TAFA1: variants seen among roughly 807,000 people sequenced by gnomAD.
TAFA1 encodes chemokine-like protein TAFA-1.
TAFA1 carries 4 observed loss-of-function variants against 18.5 expected under a neutral mutation model. The ratio of observed to expected loss-of-function variants is 0.22; its 90% confidence interval spans 0.11 to 0.49. The LOEUF is 0.49. Among genes scored for constraint, TAFA1 ranks in the 20% least tolerant of loss-of-function variants. The probability of loss-of-function intolerance (pLI) is 0.98; values close to 1 mark genes in which losing one functional copy is unlikely to be tolerated. For missense variants in TAFA1, 147 were observed against 169.0 expected, an observed-to-expected ratio of 0.87 and a Z score of 0.72; for synonymous variants, 56 against 55.2, an observed-to-expected ratio of 1.01 and a Z score of -0.06.
intron 2 of TAFA1, among the ~76,000 whole-genome samples, chr3:68,091,346 C>T (rs1283931982): frequency 1.1e-4 from 16 of 152,042 alleles, no homozygotes; most frequent in Admixed American, 9.2e-4. Flanking sequence ...ATTGTTTTTT[C>T]CATTGAAAAG....
At chr3:68,436,927 A>T (rs1269812263) in intron 3 of TAFA1, among the ~76,000 whole-genome samples, 1 of 152,224 alleles carries the variant, frequency 6.6e-6, no homozygotes, top group African/African-American at 2.4e-5. Flanking sequence ...AAAACTCTAA[A>T]TAGTGCTGAA....
intron 3 of TAFA1, among the ~76,000 whole-genome samples, chr3:68,463,819 T>C (rs1234680485): frequency 6.6e-6 from 1 of 152,192 alleles, no homozygotes; most frequent in Non-Finnish European, 1.5e-5. Context: ...TACTGAATTA[T>C]GGACCATAGC....
At position 68,200,209 on chromosome 3, in the gene TAFA1, C is replaced by T. The variant is rs1319481639; in HGVS notation, c.118+193465C>T. Among the ~76,000 whole-genome samples, 4 of 151,522 alleles carry T rather than the reference C, an allele frequency of 2.6e-5. No homozygotes were observed. The South Asian group carries it at 6.2e-4, about 24-fold the overall frequency. On this transcript the variant is annotated intron_variant, in intron 2 of 4. Coordinates refer to ENST00000478136, the MANE Select transcript of TAFA1 (RefSeq NM_213609.4). ...TCCCTCTTGATTATAGTGCATAATT[C>T]TTTTTATACACTGAATTTGATTGGA...
Position 68,272,925 on chromosome 3 carries a change from T to C in TAFA1, c.119-144355T>C, listed in dbSNP as rs536855270. ...GAATTCAAATCCCATTCTTTCTTTT[T>C]TCTTTTATTCTACATGAATGAACTG... On this transcript the variant is annotated intron_variant, in intron 2 of 4. Transcript: ENST00000478136. Among the ~76,000 whole-genome samples, 37 of 152,292 alleles carry C rather than the reference T, an allele frequency of 2.4e-4. 1 individual carries two copies. In the South Asian group the frequency reaches 7.7e-3, roughly 32 times the overall value.
chr3:68,287,530 C>T (rs150033087), intron 2 of TAFA1, among the ~76,000 whole-genome samples: 19 of 152,076 alleles, frequency 1.2e-4, no homozygotes, highest in African/African-American at 4.3e-4. Flanking sequence ...ACTCTCTGTC[C>T]CTTAAAGTCC....
intron 2 of TAFA1, among the ~76,000 whole-genome samples, chr3:68,252,639 A>T (rs1289738752): frequency 6.6e-6 from 1 of 152,188 alleles, no homozygotes; most frequent in Admixed American, 6.5e-5. Context: ...AGTTAAGAAT[A>T]GTGGCTATAA....
At chr3:68,332,801 T>C (rs1490099528) in intron 2 of TAFA1, among the ~76,000 whole-genome samples, 1 of 152,192 alleles carries the variant, frequency 6.6e-6, no homozygotes, top group African/African-American at 2.4e-5. Flanking sequence ...TCTTGAACAC[T>C]GTAGGTGGGA....
chr3:68,313,581 G>A (rs2068558241), intron 2 of TAFA1, among the ~76,000 whole-genome samples: 1 of 152,130 alleles, frequency 6.6e-6, no homozygotes, highest in Non-Finnish European at 1.5e-5. Context: ...ACAAAGTTCT[G>A]ATAAAATAAG....
At chr3:68,472,084 C>G (rs532379900) in intron 3 of TAFA1, among the ~76,000 whole-genome samples, 4 of 152,036 alleles carry the variant, frequency 2.6e-5, no homozygotes, top group African/African-American at 9.6e-5. Context: ...TTGGGGGGGA[C>G]CAGTGACAGA....
At chr3:68,432,325 T>G (rs1438763571) in intron 3 of TAFA1, among the ~76,000 whole-genome samples, 2 of 151,958 alleles carry the variant, frequency 1.3e-5, no homozygotes, top group African/African-American at 4.8e-5. Flanking sequence ...ATGGAAGAGT[T>G]GAAGGGAATA....
intron 3 of TAFA1, among the ~76,000 whole-genome samples, chr3:68,482,659 C>T (rs1363884337): frequency 1.3e-5 from 2 of 152,208 alleles, no homozygotes; most frequent in Admixed American, 6.5e-5. Flanking sequence ...AATTCCTCTA[C>T]TCTCTTCCTT....
At chr3:68,417,945 C>T (rs564913561) in intron 3 of TAFA1, among the ~76,000 whole-genome samples, 77 of 152,170 alleles carry the variant, frequency 5.1e-4, no homozygotes, top group Non-Finnish European at 9.3e-4. Flanking sequence ...TGAGAACTCT[C>T]TCACTATCAT....
At chr3:68,208,286 G>A (rs759241112) in intron 2 of TAFA1, among the ~76,000 whole-genome samples, 1 of 151,854 alleles carries the variant, frequency 6.6e-6, no homozygotes, top group African/African-American at 2.4e-5. Flanking sequence ...AGAGCTCGTC[G>A]TGTTGATTGG....
chr3:68,158,834 G>A (rs578101939), intron 2 of TAFA1, among the ~76,000 whole-genome samples: 3 of 152,276 alleles, frequency 2.0e-5, no homozygotes, highest in Admixed American at 6.5e-5. Context: ...TTTTGTGATG[G>A]AGGGCATTTT....
At chr3:68,518,838 T>C (rs1233445918) in intron 3 of TAFA1, among the ~76,000 whole-genome samples, 1 of 152,198 alleles carries the variant, frequency 6.6e-6, no homozygotes, top group Non-Finnish European at 1.5e-5. Context: ...GGATTACTGC[T>C]GGGGAGACCA....
intron 2 of TAFA1, among the ~76,000 whole-genome samples, chr3:68,087,899 A>T (rs2064990016): frequency 6.6e-6 from 1 of 152,104 alleles, no homozygotes; most frequent in Non-Finnish European, 1.5e-5. Context: ...TATAAACATT[A>T]TTTACTTATT....
rs1436244893 is a variant in TAFA1 at position 68,145,487 on chromosome 3, G to A, written c.118+138743G>A. 3 of 916,084 alleles carry A rather than the reference G, an allele frequency of 3.3e-6. No homozygotes were observed. In the East Asian group the frequency reaches 7.2e-5, roughly 22 times the overall value. The allele number at this position is 916,084 out of a possible 1,614,324, so 56.7% of individuals were successfully genotyped here. A position where few individuals can be genotyped will look rare whatever the true frequency, so the allele number is the denominator to read the frequency against. ...GCAAGTTGATTCCACCACAAGAATG[G>A]TTCTGCCCAGAAAGCCAGTTGCAGG... On this transcript the variant is annotated intron_variant, in intron 2 of 4. Transcript: ENST00000478136.
intron 2 of TAFA1, among the ~76,000 whole-genome samples, chr3:68,207,137 A>G (rs937885670): frequency 6.6e-6 from 1 of 151,944 alleles, no homozygotes; most frequent in Non-Finnish European, 1.5e-5. Context: ...GTTTTTAGAA[A>G]GCAGTATTTT....
chr3:68,250,446 A>G (rs2067171477), intron 2 of TAFA1, among the ~76,000 whole-genome samples: 2 of 152,146 alleles, frequency 1.3e-5, no homozygotes, highest in Admixed American at 6.5e-5. Flanking sequence ...TAGGAATCAG[A>G]TTACTCCTGG....
Sources: allele counts gnomAD v4.1 joint callset (sites outside exome capture counted in the v4.1 genomes callset), GRCh38; gene constraint gnomAD v4.1.1; transcripts MANE v1.5; gene names NCBI Gene and HGNC (gene_info 2026-07-23, HGNC 2026-07-21).